USP47: variants seen among roughly 807,000 people sequenced by gnomAD.
USP47 encodes the protein ubiquitin carboxyl-terminal hydrolase 47.
Under a neutral mutation model 165.1 loss-of-function variants are expected in USP47, and 35 were observed. The observed-to-expected ratio is 0.21, with a 90% confidence interval of 0.16 to 0.28. The LOEUF (loss-of-function observed/expected upper bound fraction) is 0.28. Ranked by LOEUF, USP47 falls within the 10% of genes least tolerant of loss-of-function variation. USP47 has a pLI of 1.00. For missense variants in USP47, 1,277 were observed against 1,607.4 expected, an observed-to-expected ratio of 0.79 and a Z score of 3.52; for synonymous variants, 531 against 544.5, an observed-to-expected ratio of 0.98 and a Z score of 0.35.
chr11:11,915,789 ACAT>A (rs1853371476), intron 8 of USP47, among the ~76,000 whole-genome samples: 1 of 152,184 alleles, frequency 6.6e-6, no homozygotes, highest in African/African-American at 2.4e-5. Flanking sequence ...TTTAAGGAAA[ACAT>A]CATGTTCCTG....
chr11:11,857,423 A>G (rs1341482957), intron 1 of USP47, among the ~76,000 whole-genome samples: 1 of 152,188 alleles, frequency 6.6e-6, no homozygotes, highest in Non-Finnish European at 1.5e-5. Flanking sequence ...TTGCTTTGAC[A>G]TTTTAAATTC....
chr11:11,873,235 A>G (rs919351694), intron 1 of USP47, among the ~76,000 whole-genome samples: 2 of 152,168 alleles, frequency 1.3e-5, no homozygotes, highest in African/African-American at 4.8e-5. Flanking sequence ...TATGTACAGA[A>G]AAAGTGTAGA....
Position 11,942,572 on chromosome 11 carries a change from G to A in USP47, c.2551G>A (p.Ala851Thr), listed in dbSNP as rs1003859054. Residue 851 changes from alanine (A) to threonine (T), a missense_variant, in exon 20 of 28, where the codon GCT becomes ACT. This residue lies in a region of USP47 where 909 missense variants were observed against 1,068.1 expected (regional missense o/e 0.85). Coordinates refer to ENST00000527733, the MANE Select transcript of USP47 (RefSeq NM_001282659.2). ...GPVGSLKSVE[A>T]ILEESTEKLK... ...TGTAGGAAGCCTAAAGTCTGTGGAA[G>A]CTATTCTAGAAGAAAGCACTGAAAA... The A allele has an allele frequency of 6.2e-7, 1 of 1,613,386 alleles. No individual in the cohort carries two copies. The highest frequency in any genetic ancestry group is 8.5e-7 in the Non-Finnish European group (1 of 1,179,730).
At chr11:11,930,640 TG>T in intron 13 of USP47, 55 bp from the exon 14 acceptor site, 1 of 1,267,608 alleles carries the variant, frequency 7.9e-7, no homozygotes, top group East Asian at 2.4e-5. Flanking sequence ...TGCTTAGAAG[TG>T]GAATCTTTTT....
intron 27 of USP47, 104 bp downstream of exon 27, chr11:11,955,268 C>T: frequency 7.3e-7 from 1 of 1,371,194 alleles, no homozygotes; most frequent in Non-Finnish European, 9.6e-7. Context: ...TATGGAGCGG[C>T]ACTAACCGGT....
intron 1 of USP47, among the ~76,000 whole-genome samples, chr11:11,874,473 CT>C (rs60280106): frequency 0.035 from 5,281 of 151,886 alleles, 298 homozygotes; most frequent in African/African-American, 0.12. Context: ...AATAAAGTCT[CT>C]TTTTTTAATG....
At position 11,842,130 on chromosome 11, in the gene USP47, C is replaced by G; in HGVS notation, c.-56C>G. ...GCCATTCTCTCTTGAGCTAGCGAGC[C>G]GCCGCCACCCTCCACCCTCCCCCGG... On this transcript the variant is annotated 5_prime_UTR_variant, in exon 1 of 28. Transcript: ENST00000527733. 1.3e-6 allele frequency: 2 copies of G among 1,545,322 alleles called. No homozygotes were observed. The highest frequency in any genetic ancestry group is 1.2e-5 in the South Asian group (1 of 83,564).
Position 11,936,337 on chromosome 11 carries a change from G to T in USP47, c.1904G>T (p.Cys635Phe). ...TTAGAAGAGGTAATACCCCTGGATT[G>T]CTGTCGCCTTGTTAAATATGATGAG... The part of the protein sequence containing the change: ...MDLEEVIPLD[C>F]CRLVKYDEFH... Residue 635 changes from cysteine to phenylalanine, a missense_variant, in exon 17 of 28, where the codon TGC becomes TTC. Around this residue, in one of 4 missense-constraint regions of USP47, gnomAD observed 909 missense variants for 1,068.1 expected, o/e 0.85. Coordinates refer to ENST00000527733, the MANE Select transcript of USP47 (RefSeq NM_001282659.2). 2 of 1,605,490 alleles carry T rather than the reference G, an allele frequency of 1.2e-6. No homozygotes were observed. Among genetic ancestry groups the T allele is most frequent in the East Asian group, 2.2e-5 (1 of 44,776 alleles).
At chr11:11,915,382 G>A (rs540734008) in intron 8 of USP47, among the ~76,000 whole-genome samples, 2 of 152,228 alleles carry the variant, frequency 1.3e-5, no homozygotes, top group Non-Finnish European at 2.9e-5. Flanking sequence ...ATAAGAGGGT[G>A]GCACAAGTTA....
rs369269310 is a variant in USP47 at position 11,871,556 on chromosome 11, A to AACCTAAGT, written c.40-8620_40-8613dup. 2.3e-3 allele frequency among the ~76,000 whole-genome samples: 325 copies of AACCTAAGT among 142,302 alleles called. 2 individuals are homozygous for AACCTAAGT. Among genetic ancestry groups the AACCTAAGT allele is most frequent in the South Asian group, 9.8e-3 (42 of 4,270 alleles). The allele number at this position is 142,302 out of a possible 152,430, so 93.4% of individuals were successfully genotyped here. ...AAAAAAAAGAATTCTGGTTGGTGGG[A>AACCTAAGT]ACCTAAGTGAGCTCCAGGGATTCTT... is the stretch of plus-strand genomic sequence containing the variant. On this transcript the variant is annotated intron_variant, in intron 1 of 27. Coordinates refer to ENST00000527733, the MANE Select transcript of USP47 (RefSeq NM_001282659.2).
intron 1 of USP47, among the ~76,000 whole-genome samples, chr11:11,865,531 C>G (rs997016045): frequency 6.6e-6 from 1 of 152,004 alleles, no homozygotes; most frequent in Non-Finnish European, 1.5e-5. Context: ...CTTGTTGAAA[C>G]ATTGCTGGAT....
Position 11,940,480 on chromosome 11 carries a change from A to C in USP47, c.2245A>C (p.Asn749His). Residue 749 changes from asparagine (N) to histidine (H), a missense_variant, in exon 19 of 28, where the codon AAT becomes CAT. Asn to His is a moderately conservative substitution (Grantham distance 68). This residue lies in a region of USP47 where 909 missense variants were observed against 1,068.1 expected (regional missense o/e 0.85). Coordinates refer to ENST00000527733, the MANE Select transcript of USP47 (RefSeq NM_001282659.2). ...TMRIVLERCY[N>H]DLRLLSVSSK... ...GAGAATAGTGCTGGAACGCTGCTAC[A>C]ATGATTTGCGTCTTCTCAGTGTCTC... 2 of 1,612,034 alleles carry C rather than the reference A, an allele frequency of 1.2e-6. No homozygotes were observed. Among genetic ancestry groups the C allele is most frequent in the Non-Finnish European group, 1.7e-6 (2 of 1,178,628 alleles).
chr11:11,884,322 A>C, intron 2 of USP47, 145 bp from the exon 3 acceptor site: 1 of 601,432 alleles, frequency 1.7e-6, no homozygotes. Flanking sequence ...GTTAATGAAT[A>C]AATGAGTTAA....
At chr11:11,882,018 T>G (rs896054304) in intron 2 of USP47, among the ~76,000 whole-genome samples, 1 of 152,144 alleles carries the variant, frequency 6.6e-6, no homozygotes, top group Admixed American at 6.6e-5. Context: ...TAGAACAGTA[T>G]TCTAGATAGC....
intron 2 of USP47, among the ~76,000 whole-genome samples, chr11:11,883,319 T>C (rs1850949469): frequency 6.6e-6 from 1 of 152,226 alleles, no homozygotes. Context: ...ACTGTGTTTA[T>C]AGTATTCTAA....
intron 17 of USP47, among the ~76,000 whole-genome samples, chr11:11,937,574 T>C (rs1489311726): frequency 1.2e-5 from 1 of 81,364 alleles, no homozygotes; most frequent in Admixed American, 1.9e-4. Flanking sequence ...ATTTCCTTGC[T>C]TTTTTTTTTT....
rs1244020166 is a variant in USP47, at chr11:11,920,413, C to A, written c.1137C>A (p.Thr379=). ...QLKRFDFDYT[T]MHRIKLNDRM... is the part of the protein sequence containing the mutation. ...AAAGATTCGATTTTGATTATACAAC[C>A]ATGCATAGGATTAAACTGAATGATC... The change falls in exon 10 of 28, where the codon ACC becomes ACA. Residue 379 remains threonine (T), a synonymous_variant. Transcript: ENST00000527733. The A allele has an allele frequency of 6.2e-7, 1 of 1,611,478 alleles. No homozygotes were observed. Among genetic ancestry groups the A allele is most frequent in the East Asian group, 2.2e-5 (1 of 44,754 alleles).
intron 8 of USP47, among the ~76,000 whole-genome samples, chr11:11,918,442 T>C (rs1853586694): frequency 6.6e-6 from 1 of 152,064 alleles, no homozygotes; most frequent in African/African-American, 2.4e-5. Flanking sequence ...TGAAAGTACT[T>C]TATCAGTATT....
intron 20 of USP47, among the ~76,000 whole-genome samples, chr11:11,946,091 A>G (rs1855818703): frequency 6.6e-6 from 1 of 152,230 alleles, no homozygotes; most frequent in African/African-American, 2.4e-5. Context: ...AAATGGTACA[A>G]TAGTAATCTC....
Sources: allele counts gnomAD v4.1 joint callset (sites outside exome capture counted in the v4.1 genomes callset), GRCh38; gene constraint gnomAD v4.1.1; regional missense constraint gnomAD v4.1.1; transcripts MANE v1.5; gene names NCBI Gene and HGNC (gene_info 2026-07-23, HGNC 2026-07-21).